Variants in LONP2 observed in about 807,000 individuals in gnomAD.
LONP2 encodes the protein lon peptidase 2, peroxisomal.
LONP2 carries 60 observed loss-of-function variants against 85.6 expected under a neutral mutation model. The observed-to-expected ratio is 0.70, with a 90% CI of 0.57 to 0.87. The LOEUF (loss-of-function observed/expected upper bound fraction) is 0.87. Ranked by LOEUF, LONP2 falls within the 40% of genes least tolerant of loss-of-function variation. LONP2 has a pLI of 0.00. For missense variants in LONP2, 860 were observed against 1,063.5 expected (o/e 0.81, Z 2.66); for synonymous variants, 395 against 389.7 (o/e 1.01, Z -0.16).
intron 7 of LONP2, among the ~76,000 whole-genome samples, chr16:48,276,616 C>T (rs975674780): frequency 6.6e-6 from 1 of 152,086 alleles, no homozygotes; most frequent in Non-Finnish European, 1.5e-5. Context: ...GATTCTTGTC[C>T]AAATACAATA....
At chr16:48,292,455 G>A (rs1272178004) in intron 8 of LONP2, among the ~76,000 whole-genome samples, 4 of 152,130 alleles carry the variant, frequency 2.6e-5, no homozygotes, top group Non-Finnish European at 4.4e-5. Flanking sequence ...CTTCCCTTTT[G>A]CTTAGTGATT....
intron 11 of LONP2, among the ~76,000 whole-genome samples, chr16:48,324,054 A>C (rs1487921693): frequency 6.6e-6 from 1 of 152,220 alleles, no homozygotes; most frequent in Non-Finnish European, 1.5e-5. Flanking sequence ...TGACAGCACG[A>C]ATTATACAGT....
intron 10 of LONP2, among the ~76,000 whole-genome samples, chr16:48,302,571 TA>T (rs111924411): frequency 0.014 from 2,086 of 152,376 alleles, 48 homozygotes; most frequent in African/African-American, 0.047. Context: ...CAGCTCTGCT[TA>T]AACCACACAT....
chr16:48,265,625 C>T (rs1229552923), intron 6 of LONP2, among the ~76,000 whole-genome samples: 1 of 152,174 alleles, frequency 6.6e-6, no homozygotes, highest in Non-Finnish European at 1.5e-5. Context: ...ATTACTGTAG[C>T]TTCGTAATAT....
Position 48,261,496 on chromosome 16 carries a change from G to A in LONP2, c.796G>A (p.Asp266Asn). Residue 266 changes from aspartate to asparagine, a missense_variant, in exon 5 of 15, where the codon GAT (aspartate) becomes AAT (asparagine). Physicochemically the swap from Asp to Asn is conservative, Grantham distance 23. This residue lies in a region of LONP2 where 743 missense variants were observed against 917.3 expected (regional missense o/e 0.81). Transcript: ENST00000285737. ...TTTAGAAGATGAAGATGAAGATGAA[G>A]ATAATGATGACATTGTCATGCTAGA... ...GTLEDEDEDE[D>N]NDDIVMLEKK... 6.2e-7 allele frequency: 1 copy of A among 1,607,512 alleles called. No individual in the cohort carries two copies. The highest frequency in any genetic ancestry group is 1.1e-5 in the South Asian group (1 of 90,418).
intron 7 of LONP2, among the ~76,000 whole-genome samples, chr16:48,272,913 TAGGTC>T (rs1972134395): frequency 6.6e-6 from 1 of 152,050 alleles, no homozygotes; most frequent in Admixed American, 6.6e-5. Flanking sequence ...AGCATGCACT[TAGGTC>T]AGTTATGAAT....
intron 8 of LONP2, among the ~76,000 whole-genome samples, chr16:48,282,115 A>G (rs755935784): frequency 5.3e-5 from 8 of 152,124 alleles, no homozygotes; most frequent in Non-Finnish European, 1.0e-4. Flanking sequence ...AACAAATTAA[A>G]TGTTTATGGC....
intron 6 of LONP2, among the ~76,000 whole-genome samples, chr16:48,268,306 C>A (rs981612732): frequency 6.6e-6 from 1 of 152,108 alleles, no homozygotes; most frequent in Non-Finnish European, 1.5e-5. Flanking sequence ...CAAGAAATTT[C>A]TTCACAGTGT....
At chr16:48,276,491 G>A (rs904474338) in intron 7 of LONP2, among the ~76,000 whole-genome samples, 1 of 152,152 alleles carries the variant, frequency 6.6e-6, no homozygotes, top group African/African-American at 2.4e-5. Context: ...ATTAAAATTA[G>A]TAAATTGCTG....
At chr16:48,360,784 A>C (rs1011190017), downstream of LONP2, 2 of 152,456 alleles carry the variant, frequency 1.3e-5, no homozygotes, top group East Asian at 3.8e-4. Flanking sequence ...CCTTTCAAAG[A>C]TTAAGCTCAA....
chr16:48,281,265 C>G (rs549827730), intron 8 of LONP2, among the ~76,000 whole-genome samples: 1 of 152,144 alleles, frequency 6.6e-6, no homozygotes. Flanking sequence ...AGGATATGCC[C>G]GTTTCCTTGA....
intron 11 of LONP2, among the ~76,000 whole-genome samples, chr16:48,331,008 A>G (rs1183669029): frequency 1.3e-5 from 2 of 152,168 alleles, no homozygotes; most frequent in Non-Finnish European, 2.9e-5. Context: ...ACTGAGCTTT[A>G]CTTCCTCCTG....
intron 7 of LONP2, among the ~76,000 whole-genome samples, chr16:48,274,104 G>A (rs1415684396): frequency 2.0e-5 from 3 of 152,078 alleles, no homozygotes; most frequent in African/African-American, 7.2e-5. Flanking sequence ...ACTTACATTT[G>A]CATGTAGCTC....
chr16:48,298,626 GGTGT>G lies in LONP2; in HGVS notation c.1535-995_1535-992del, dbSNP rs3138605. On this transcript the variant is annotated intron_variant, in intron 9 of 14. Transcript: ENST00000285737. ...TGGAACCCACTGCTTATTTAATTGA[GGTGT>G]GTGTGTGTGTGTGTGTGTGTGTGTG... Among the ~76,000 whole-genome samples, 897 of 134,390 alleles carry G rather than the reference GGTGT, an allele frequency of 6.7e-3. 6 individuals carry two copies. The highest frequency in any genetic ancestry group is 0.027 in the Middle Eastern group (7 of 258). 88.2% of individuals were successfully genotyped at this position (134,390 alleles called of 152,430 possible).
chr16:48,361,489 GA>G, downstream of LONP2: 1 of 1,330,942 alleles, frequency 7.5e-7, no homozygotes. Flanking sequence ...TCCACCTACC[GA>G]AAGAGTTTTA....
chr16:48,348,059 T>C, intron 13 of LONP2, 41 bp from the exon 14 acceptor site: 1 of 1,537,812 alleles, frequency 6.5e-7, no homozygotes, highest in Non-Finnish European at 8.8e-7. Context: ...AGAAAACAGG[T>C]TTAATTTTTC....
chr16:48,340,690 T>C (rs1959784739), intron 12 of LONP2, among the ~76,000 whole-genome samples: 1 of 152,200 alleles, frequency 6.6e-6, no homozygotes, highest in East Asian at 1.9e-4. Context: ...CCAGGCACAG[T>C]GGCTCACGCC....
At position 48,259,512 on chromosome 16, in the gene LONP2, T is replaced by C. The variant is rs145455757; in HGVS notation, c.723+772T>C. 1.4e-3 allele frequency among the ~76,000 whole-genome samples: 212 copies of C among 152,338 alleles called. 1 individual carries two copies. The highest frequency in any genetic ancestry group is 4.9e-3 in the African/African-American group (205 of 41,580). On this transcript the variant is annotated intron_variant, in intron 4 of 14. Coordinates refer to ENST00000285737, the MANE Select transcript of LONP2 (RefSeq NM_031490.5). The stretch of plus-strand genomic sequence containing the variant: ...ATTTGATGTGGACAGGATGTGAAAA[T>C]GGCATTTCTCTGAAGGTGTTGAGAT...
intron 7 of LONP2, among the ~76,000 whole-genome samples, chr16:48,276,690 A>G (rs1258658821): frequency 2.0e-5 from 3 of 152,190 alleles, no homozygotes; most frequent in South Asian, 2.1e-4. Context: ...GTTATTGCCA[A>G]TTAGTGCATA....
Sources: gnomAD v4.1 joint callset for allele counts (sites outside exome capture counted in the v4.1 genomes callset) on GRCh38, gnomAD v4.1.1 for gene constraint, gnomAD v4.1.1 regional missense constraint, MANE v1.5 for transcripts, NCBI Gene and HGNC (gene_info 2026-07-23, HGNC 2026-07-21) for gene names.